The following POLA1 variants were observed in gnomAD, a reference collection of about 807,000 sequenced individuals.
The protein encoded by POLA1 is DNA polymerase alpha catalytic subunit.
POLA1 carries 15 observed loss-of-function variants against 124.0 expected under a neutral mutation model. That is an observed-to-expected ratio of 0.12 (90% CI 0.08 to 0.19). The LOEUF (loss-of-function observed/expected upper bound fraction) is 0.19, where lower values mean the gene tolerates loss of function less well. Among genes scored for constraint, POLA1 ranks in the 10% least tolerant of loss-of-function variants. The probability of loss-of-function intolerance (pLI) is 1.00; values close to 1 mark genes in which losing one functional copy is unlikely to be tolerated. For synonymous variants in POLA1, 408 were observed against 389.4 expected (o/e 1.05, Z -0.56); for missense variants, 886 against 1,103.4 (o/e 0.80, Z 2.79).
At chrX:24,792,503 A>G (rs778980585) in intron 26 of POLA1, among the ~76,000 whole-genome samples, 9 of 112,523 alleles carry the variant, frequency 8.0e-5, no homozygotes, top group Middle Eastern at 4.6e-3. Flanking sequence ...AAAATTTTAT[A>G]TTCACCTAAC....
At chrX:24,963,883 G>A (rs2048194666) in intron 36 of POLA1, among the ~76,000 whole-genome samples, 1 of 111,786 alleles carries the variant, frequency 8.9e-6, no homozygotes, top group Admixed American at 9.5e-5. Context: ...TGTTTTGGCA[G>A]CGTAGAAGTT....
intron 26 of POLA1, among the ~76,000 whole-genome samples, chrX:24,759,165 C>T (rs954595805): frequency 5.4e-5 from 6 of 111,938 alleles, no homozygotes; most frequent in African/African-American, 1.6e-4. Flanking sequence ...AATTCCAGGG[C>T]TTCTTTCATC....
At chrX:24,963,853 C>G (rs1289647726) in intron 36 of POLA1, among the ~76,000 whole-genome samples, 1 of 111,789 alleles carries the variant, frequency 8.9e-6, no homozygotes, top group Non-Finnish European at 1.9e-5. Context: ...TTCCCCCAAA[C>G]TAATAACTCC....
At chrX:24,783,419 A>G (rs1208931497) in intron 26 of POLA1, among the ~76,000 whole-genome samples, 3 of 112,040 alleles carry the variant, frequency 2.7e-5, no homozygotes, top group African/African-American at 9.7e-5. Flanking sequence ...AGTGCAATAT[A>G]TAATGTGTAG....
chrX:24,777,625 T>C (rs1026218604), intron 26 of POLA1, among the ~76,000 whole-genome samples: 2 of 112,328 alleles, frequency 1.8e-5, no homozygotes, highest in African/African-American at 6.5e-5. Flanking sequence ...CCAGTTACAG[T>C]AGAGTAAGAA....
intron 36 of POLA1, among the ~76,000 whole-genome samples, chrX:24,939,557 T>C (rs1197275436): frequency 9.0e-6 from 1 of 111,723 alleles, no homozygotes; most frequent in African/African-American, 3.2e-5. Context: ...GTAAAAACTT[T>C]ATGAAATTTC....
intron 34 of POLA1, among the ~76,000 whole-genome samples, chrX:24,882,131 G>C (rs1397970406): frequency 1.8e-5 from 2 of 110,610 alleles, no homozygotes; most frequent in African/African-American, 6.6e-5. Flanking sequence ...GGTGGTAATG[G>C]GACTATAAAG....
At chrX:24,765,661 C>T (rs774603628) in intron 26 of POLA1, among the ~76,000 whole-genome samples, 16 of 111,387 alleles carry the variant, frequency 1.4e-4, no homozygotes, top group South Asian at 3.8e-4. Context: ...TCCAGCACAC[C>T]GCCATCTCTC....
intron 34 of POLA1, among the ~76,000 whole-genome samples, chrX:24,857,213 G>A (rs1019859694): frequency 1.3e-4 from 14 of 111,439 alleles, no homozygotes; most frequent in Non-Finnish European, 1.3e-4. Context: ...TTTTGCACCC[G>A]TGTTAAAAAC....
chrX:24,980,995 G>T (rs1354593156), intron 36 of POLA1, among the ~76,000 whole-genome samples: 1 of 111,833 alleles, frequency 8.9e-6, no homozygotes, highest in Non-Finnish European at 1.9e-5. Context: ...TTGATAAGTG[G>T]TGAGCATCCT....
At chrX:24,785,009 ATTAG>A (rs770528165) in intron 26 of POLA1, among the ~76,000 whole-genome samples, 17 of 112,477 alleles carry the variant, frequency 1.5e-4, no homozygotes, top group South Asian at 1.1e-3. Context: ...CAGATAAAAT[ATTAG>A]TTAGGGGATT....
At chrX:24,760,738 A>C (rs775696220) in intron 26 of POLA1, among the ~76,000 whole-genome samples, 11 of 112,034 alleles carry the variant, frequency 9.8e-5, no homozygotes, top group African/African-American at 3.6e-4. Flanking sequence ...ATACTGTGTT[A>C]AATTACAATG....
At chrX:24,954,794 G>C (rs762227976) in intron 36 of POLA1, among the ~76,000 whole-genome samples, 1 of 111,932 alleles carries the variant, frequency 8.9e-6, no homozygotes, top group South Asian at 3.8e-4. Context: ...AATCGAGAAA[G>C]TGCCAGTACT....
At chrX:24,839,490 A>C (rs370594666) in intron 32 of POLA1, among the ~76,000 whole-genome samples, 1 of 111,945 alleles carries the variant, frequency 8.9e-6, no homozygotes, top group East Asian at 2.8e-4. Context: ...GTAAGTAACA[A>C]GATGGCCCAC....
rs566127482 is a variant in POLA1, at chrX:24,871,426, A to T, written c.4048-16580A>T. 2.1e-4 allele frequency among the ~76,000 whole-genome samples: 23 copies of T among 111,743 alleles called. No individual in the cohort carries two copies. In the South Asian group the frequency reaches 7.1e-3, roughly 35 times the overall value. ...CTGTAGACATTCACCGACATATATT[A>T]CTCAGCCGGGAGCACTTGAATGAAA... On this transcript the variant is annotated intron_variant, in intron 34 of 36. Coordinates refer to ENST00000379068, the MANE Select transcript of POLA1 (RefSeq NM_001330360.2).
In POLA1 at chrX:24,946,409, G is replaced by A. The variant is rs777672208; in HGVS notation, c.4261+15860G>A. Among the ~76,000 whole-genome samples, 43 of 112,027 alleles carry A rather than the reference G, an allele frequency of 3.8e-4. 1 individual carries two copies. In the South Asian group the frequency reaches 0.011, roughly 29 times the overall value. Reference sequence around the variant, plus strand: ...TCTTACCTGGGGTGTCCAGGCAGGAGAAATAGCTTGACTGGCTATAGCTGG... The same window carrying A: ...TCTTACCTGGGGTGTCCAGGCAGGAAAAATAGCTTGACTGGCTATAGCTGG... On this transcript the variant is annotated intron_variant, in intron 36 of 36. Coordinates refer to ENST00000379068, the MANE Select transcript of POLA1 (RefSeq NM_001330360.2).
chrX:24,915,334 A>G (rs1193259556), intron 35 of POLA1, among the ~76,000 whole-genome samples: 1 of 111,769 alleles, frequency 8.9e-6, no homozygotes, highest in Non-Finnish European at 1.9e-5. Flanking sequence ...TGCTCTTTTC[A>G]TTTCTTCACA....
intron 4 of POLA1, among the ~76,000 whole-genome samples, chrX:24,709,246 A>C (rs1602255860): frequency 1.3e-5 from 1 of 77,250 alleles, no homozygotes; most frequent in African/African-American, 5.8e-5. Context: ...CGGGGGGCTG[A>C]CCCCCCCACC....
Position 24,843,485 on chromosome X carries a change from G to A in POLA1, c.3916-61G>A. ...ACTAGGACAGCATGTAAGTTTTTAA[G>A]CACAAAAACCCTTTTATAGCCTCAC... On this transcript the variant is annotated intron_variant, in intron 33 of 36. Transcript: ENST00000379068. 8 of 895,945 alleles carry A rather than the reference G, an allele frequency of 8.9e-6. No homozygotes were observed. The South Asian group carries it at 2.3e-4, about 25-fold the overall frequency. The allele number at this position is 895,945 out of a possible 1,213,427, so 73.8% of individuals were successfully genotyped here.
Sources: gnomAD v4.1 joint callset for allele counts (sites outside exome capture counted in the v4.1 genomes callset) on GRCh38, gnomAD v4.1.1 for gene constraint, MANE v1.5 for transcripts, NCBI Gene and HGNC (gene_info 2026-07-23, HGNC 2026-07-21) for gene names.